Variants in SORCS1 observed in about 807,000 individuals in gnomAD.
The protein encoded by SORCS1 is VPS10 domain-containing receptor SorCS1.
In SORCS1, 60 loss-of-function variants were observed where a neutral mutation model predicts 146.1. The ratio of observed to expected loss-of-function variants is 0.41; its 90% CI spans 0.33 to 0.51. The LOEUF (loss-of-function observed/expected upper bound fraction) is 0.51, where lower values mean the gene tolerates loss of function less well. Among genes scored for constraint, SORCS1 ranks in the 20% least tolerant of loss-of-function variants. The pLI, the probability that SORCS1 is intolerant of heterozygous loss-of-function variation, is 0.21. For missense variants in SORCS1, 1,352 were observed against 1,487.6 expected (o/e 0.91, Z 1.50); for synonymous variants, 637 against 584.0 (o/e 1.09, Z -1.31).
At chr10:107,095,818 G>A (rs1263301062) in intron 1 of SORCS1, among the ~76,000 whole-genome samples, 1 of 151,942 alleles carries the variant, frequency 6.6e-6, no homozygotes, top group African/African-American at 2.4e-5. Flanking sequence ...CCCATCCAAG[G>A]AGAAACACGG....
intron 2 of SORCS1, among the ~76,000 whole-genome samples, chr10:106,897,422 C>T (rs12356136): frequency 0.32 from 48,703 of 151,946 alleles, 8,645 homozygotes; most frequent in Non-Finnish European, 0.41. Flanking sequence ...TTAGGATCCT[C>T]TATCTTTCAG....
At chr10:106,882,117 C>T (rs1228336983) in intron 2 of SORCS1, among the ~76,000 whole-genome samples, 1 of 152,170 alleles carries the variant, frequency 6.6e-6, no homozygotes, top group Non-Finnish European at 1.5e-5. Context: ...CTGCAATTCC[C>T]CTGGTTCCAC....
intron 1 of SORCS1, among the ~76,000 whole-genome samples, chr10:107,158,646 A>G (rs572036100): frequency 2.0e-5 from 3 of 152,318 alleles, no homozygotes; most frequent in African/African-American, 7.2e-5. Flanking sequence ...GAGCTCATTG[A>G]GGGCAGGAAT....
At chr10:106,792,622 A>G (rs896115630) in intron 3 of SORCS1, among the ~76,000 whole-genome samples, 1 of 152,356 alleles carries the variant, frequency 6.6e-6, no homozygotes, top group East Asian at 1.9e-4. Context: ...CTGCATCTTA[A>G]CCATTAGAGC....
At chr10:106,649,741 A>G (rs1048441858) in intron 18 of SORCS1, among the ~76,000 whole-genome samples, 1 of 152,062 alleles carries the variant, frequency 6.6e-6, no homozygotes, top group Non-Finnish European at 1.5e-5. Context: ...CTACAATTGC[A>G]TCTGTGTTAG....
chr10:106,757,358 T>C lies in SORCS1; in HGVS notation c.959+4230A>G, dbSNP rs539883834. Among the ~76,000 whole-genome samples, 12 of 152,190 alleles carry C rather than the reference T, an allele frequency of 7.9e-5. No individual in the cohort carries two copies. The South Asian group carries it at 2.5e-3, about 32-fold the overall frequency. ...CCCTCAGTCCCATACACACCCCCAATAGCCAGGTTCCAAGCAGAAATGATT... is the reference window on the plus strand; with the variant it reads ...CCCTCAGTCCCATACACACCCCCAACAGCCAGGTTCCAAGCAGAAATGATT... On this transcript the variant is annotated intron_variant, in intron 5 of 25. Transcript: ENST00000263054.
the SORCS1 span, among the ~76,000 whole-genome samples, chr10:107,171,254 A>G: frequency 6.6e-6 from 1 of 152,202 alleles, no homozygotes; most frequent in Non-Finnish European, 1.5e-5. Flanking sequence ...CAGCAGATAT[A>G]AAAAGAAGAG....
chr10:106,978,332 T>C (rs1564880750), intron 1 of SORCS1, among the ~76,000 whole-genome samples: 2 of 152,010 alleles, frequency 1.3e-5, no homozygotes, highest in African/African-American at 4.8e-5. Flanking sequence ...CCTTTGTGAG[T>C]GGTCTCTAAT....
intron 5 of SORCS1, among the ~76,000 whole-genome samples, chr10:106,749,470 C>T (rs528212699): frequency 1.7e-4 from 26 of 152,248 alleles, no homozygotes; most frequent in African/African-American, 6.3e-4. Flanking sequence ...GCTGCAAGCC[C>T]CTTTATGGAA....
chr10:106,795,253 C>T (rs1324228521), intron 3 of SORCS1, among the ~76,000 whole-genome samples: 1 of 152,046 alleles, frequency 6.6e-6, no homozygotes, highest in Admixed American at 6.5e-5. Context: ...GATAATTTGT[C>T]AAATGTATTC....
chr10:106,934,367 C>T (rs1291332996), intron 2 of SORCS1, among the ~76,000 whole-genome samples: 1 of 151,966 alleles, frequency 6.6e-6, no homozygotes, highest in Non-Finnish European at 1.5e-5. Context: ...ACGTCATTCT[C>T]CTGCCTCAGC....
rs1486150872 is a variant in SORCS1 at position 106,574,777 on chromosome 10, C to G, written c.*2643G>C. The G allele has an allele frequency of 6.6e-6, 1 of 152,382 alleles. No individual in the cohort carries two copies. The highest frequency in any genetic ancestry group is 2.4e-5 in the African/African-American group (1 of 41,428). 9.4% of individuals were successfully genotyped at this position (152,382 alleles called of 1,614,324 possible). On this transcript the variant is annotated 3_prime_UTR_variant, in exon 26 of 26. Coordinates refer to ENST00000263054, the MANE Select transcript of SORCS1 (RefSeq NM_052918.5). ...TGAGGTCCTCCTCTCTGAGCAGCAC[C>G]TTGCCTCACTAATCTCCTACAGATG...
intron 2 of SORCS1, among the ~76,000 whole-genome samples, chr10:106,839,885 A>C (rs1396823910): frequency 6.6e-6 from 1 of 152,222 alleles, no homozygotes; most frequent in Non-Finnish European, 1.5e-5. Context: ...ATGATAGCAC[A>C]TCTGTTTACA....
At chr10:106,790,182 T>C (rs11193052) in intron 3 of SORCS1, among the ~76,000 whole-genome samples, 26,533 of 152,184 alleles carry the variant, frequency 0.17, 3,058 homozygotes, top group Non-Finnish European at 0.26. Flanking sequence ...ATTCCTTCAA[T>C]TTGTTACTGT....
At chr10:106,955,695 T>C (rs902160362) in intron 2 of SORCS1, among the ~76,000 whole-genome samples, 5 of 152,142 alleles carry the variant, frequency 3.3e-5, no homozygotes, top group South Asian at 4.1e-4. Flanking sequence ...AGTAAAGGAA[T>C]GTTGCCCTGG....
chr10:106,979,566 AAAAC>A (rs533246417), intron 1 of SORCS1, among the ~76,000 whole-genome samples: 37 of 152,274 alleles, frequency 2.4e-4, no homozygotes, highest in East Asian at 3.9e-4. Flanking sequence ...TAAAAAAACA[AAAAC>A]AAACAAACAA....
intron 1 of SORCS1, among the ~76,000 whole-genome samples, chr10:107,106,265 TC>T (rs1422246181): frequency 6.6e-6 from 1 of 152,180 alleles, no homozygotes; most frequent in Non-Finnish European, 1.5e-5. Flanking sequence ...AAGATGCTTT[TC>T]CCCAATAGTA....
intron 1 of SORCS1, among the ~76,000 whole-genome samples, chr10:107,125,071 G>A (rs944899573): frequency 2.0e-5 from 3 of 147,534 alleles, no homozygotes; most frequent in East Asian, 2.1e-4. Context: ...CCCTGCCTCC[G>A]CCTCCCAAGC....
rs189393307 is a variant in SORCS1 at position 106,952,190 on chromosome 10, G to A, written c.626+4323C>T. ...TTGAGACTCATCTCCCATCTCCTCA[G>A]CTCTAGCACCCGGTTAAAGCCTTCT... On this transcript the variant is annotated intron_variant, in intron 2 of 25. Coordinates refer to ENST00000263054, the MANE Select transcript of SORCS1 (RefSeq NM_052918.5). Among the ~76,000 whole-genome samples the A allele has an allele frequency of 1.5e-3, 235 of 152,228 alleles. 3 individuals carry two copies. Among genetic ancestry groups the A allele is most frequent in the Non-Finnish European group, 1.7e-3 (119 of 68,014 alleles).
Sources: allele counts gnomAD v4.1 joint callset (sites outside exome capture counted in the v4.1 genomes callset), GRCh38; gene constraint gnomAD v4.1.1; transcripts MANE v1.5; gene names NCBI Gene and HGNC (gene_info 2026-07-23, HGNC 2026-07-21).